The following SLC39A10 variants were observed in gnomAD, a reference collection of about 807,000 sequenced individuals.
SLC39A10 encodes zinc transporter ZIP10.
Under a neutral mutation model 65.1 loss-of-function variants are expected in SLC39A10, and 13 were observed. The ratio of observed to expected loss-of-function variants is 0.20; its 90% CI spans 0.13 to 0.32. SLC39A10 has a LOEUF of 0.32. SLC39A10 is among the 10% of genes least tolerant of loss of function. SLC39A10 has a pLI of 1.00. For synonymous variants in SLC39A10, 321 were observed against 342.2 expected, an observed-to-expected ratio of 0.94 and a Z score of 0.68; for missense variants, 831 against 1,018.4, an observed-to-expected ratio of 0.82 and a Z score of 2.50.
chr2:195,653,565 G>A (rs139103854), upstream of SLC39A10, among the ~76,000 whole-genome samples: 2,637 of 152,224 alleles, frequency 0.017, 76 homozygotes, highest in African/African-American at 0.06. Flanking sequence ...TAAGTGCTGG[G>A]ATTACAAGCG....
intron 3 of SLC39A10, among the ~76,000 whole-genome samples, chr2:195,704,994 C>G (rs367596741): frequency 2.0e-4 from 30 of 152,196 alleles, no homozygotes; most frequent in African/African-American, 6.5e-4. Context: ...TATGGAGTTT[C>G]ACCGTGTTGC....
At chr2:195,659,819 C>T (rs984959063) in intron 1 of SLC39A10, among the ~76,000 whole-genome samples, 2 of 152,134 alleles carry the variant, frequency 1.3e-5, no homozygotes, top group South Asian at 4.1e-4. Context: ...TGTTTCAGTT[C>T]TTTCATTAGT....
At chr2:195,653,743 T>TTC (rs1049569401), upstream of SLC39A10, among the ~76,000 whole-genome samples, 1 of 152,232 alleles carries the variant, frequency 6.6e-6, no homozygotes. Context: ...GCTTAAAATT[T>TTC]TATTTTTGGT....
chr2:195,727,923 G>GT (rs1435564481), intron 8 of SLC39A10, among the ~76,000 whole-genome samples: 2 of 152,018 alleles, frequency 1.3e-5, no homozygotes, highest in Non-Finnish European at 2.9e-5. Context: ...AGTTTTGTCT[G>GT]TTTCAGAATA....
At chr2:195,717,090 A>G (rs1691842580) in intron 7 of SLC39A10, 85 bp downstream of exon 7, 32 of 1,497,238 alleles carry the variant, frequency 2.1e-5, no homozygotes, top group Non-Finnish European at 2.8e-5. Flanking sequence ...TAACAAATAT[A>G]TGGTTATGTA....
chr2:195,719,646 C>G (rs1453496151), intron 8 of SLC39A10, among the ~76,000 whole-genome samples: 1 of 150,634 alleles, frequency 6.6e-6, no homozygotes, highest in African/African-American at 2.4e-5. Context: ...GAGACAGAGT[C>G]TTCCTCTGCT....
rs1462279163 is a variant in SLC39A10, at chr2:195,728,013, A to C, written c.2147-146A>C. The C allele has an allele frequency of 5.5e-6, 4 of 726,180 alleles. No individual in the cohort carries two copies. The Admixed American group carries it at 1.2e-4, about 22-fold the overall frequency. 45.0% of individuals were successfully genotyped at this position (726,180 alleles called of 1,614,324 possible). ...CAAGTTTTTGCATGCATTATGGTTTAATAAGTAAAATATTTTATATATCAC... is the reference window on the plus strand; with the variant it reads ...CAAGTTTTTGCATGCATTATGGTTTCATAAGTAAAATATTTTATATATCAC... On this transcript the variant is annotated intron_variant, in intron 8 of 9. Transcript: ENST00000359634. This position sits in a 1 kb window ranked among gnomAD's most constrained non-coding sequence, Gnocchi z 4.4.
At chr2:195,652,662 T>TTTAA (rs1553495709), upstream of SLC39A10, among the ~76,000 whole-genome samples, 1 of 151,196 alleles carries the variant, frequency 6.6e-6, no homozygotes, top group African/African-American at 2.4e-5. Flanking sequence ...GAGAATAAAT[T>TTTAA]GTGTTTCTTA....
chr2:195,617,404 C>A (rs1688238715), intron 2 of SLC39A10, among the ~76,000 whole-genome samples: 1 of 151,816 alleles, frequency 6.6e-6, no homozygotes, highest in Non-Finnish European at 1.5e-5. Flanking sequence ...CTACTAAAAA[C>A]AGAAAAAATT....
intron 3 of SLC39A10, among the ~76,000 whole-genome samples, chr2:195,703,495 T>A (rs903136066): frequency 1.3e-5 from 2 of 152,322 alleles, no homozygotes; most frequent in Admixed American, 1.3e-4. Flanking sequence ...CAGTTAAAAA[T>A]CTTTTGAAGG....
At chr2:195,660,434 A>G (rs2105728801) in intron 1 of SLC39A10, among the ~76,000 whole-genome samples, 1 of 152,268 alleles carries the variant, frequency 6.6e-6, no homozygotes, top group East Asian at 1.9e-4. Flanking sequence ...CTAAAGCTTA[A>G]AGTTTGCAAG....
chr2:195,697,401 T>A (rs1254682054), intron 3 of SLC39A10, among the ~76,000 whole-genome samples: 3 of 152,218 alleles, frequency 2.0e-5, no homozygotes, highest in Non-Finnish European at 4.4e-5. Flanking sequence ...CTTTAATTTC[T>A]TTCTGCAATA....
At chr2:195,702,048 C>T (rs1352805634) in intron 3 of SLC39A10, among the ~76,000 whole-genome samples, 3 of 152,026 alleles carry the variant, frequency 2.0e-5, no homozygotes, top group Non-Finnish European at 4.4e-5. Flanking sequence ...CTAATTTTCT[C>T]CAAGTATGTA....
chr2:195,732,076 T>C (rs1692449688), intron 9 of SLC39A10, among the ~76,000 whole-genome samples: 1 of 152,184 alleles, frequency 6.6e-6, no homozygotes, highest in Non-Finnish European at 1.5e-5. Context: ...TATTTTCTAA[T>C]GTTAAGTAGG....
intron 2 of SLC39A10, among the ~76,000 whole-genome samples, chr2:195,650,174 C>T (rs1689001813): frequency 6.6e-6 from 1 of 151,312 alleles, no homozygotes; most frequent in Admixed American, 6.6e-5. Flanking sequence ...CCCAGCTACT[C>T]AGGCGGCTGA....
intron 2 of SLC39A10, among the ~76,000 whole-genome samples, chr2:195,630,301 G>A (rs144293260): frequency 5.9e-5 from 9 of 152,190 alleles, no homozygotes; most frequent in Non-Finnish European, 1.3e-4. Flanking sequence ...AGTGTAGCAT[G>A]TTTGTTGGTT....
chr2:195,689,928 G>A (rs780574942), intron 3 of SLC39A10, among the ~76,000 whole-genome samples: 1 of 152,080 alleles, frequency 6.6e-6, no homozygotes, highest in Non-Finnish European at 1.5e-5. Context: ...TATAATCCCA[G>A]CACTTTGGGA....
At chr2:195,638,932 G>A (rs368089553) in intron 2 of SLC39A10, among the ~76,000 whole-genome samples, 1 of 147,818 alleles carries the variant, frequency 6.8e-6, no homozygotes, top group South Asian at 2.1e-4. Flanking sequence ...AATTTTTCTT[G>A]TTTTTTGATG....
intron 2 of SLC39A10, among the ~76,000 whole-genome samples, chr2:195,613,319 G>A (rs1027074324): frequency 2.0e-5 from 3 of 151,902 alleles, no homozygotes; most frequent in Non-Finnish European, 4.4e-5. Flanking sequence ...TCATGTCTGT[G>A]TGCCTTGCCT....
Sources: gnomAD v4.1 joint callset for allele counts (sites outside exome capture counted in the v4.1 genomes callset) on GRCh38, gnomAD v4.1.1 for gene constraint, Gnocchi (gnomAD v3.1) non-coding constraint, MANE v1.5 for transcripts, NCBI Gene and HGNC (gene_info 2026-07-23, HGNC 2026-07-21) for gene names.